Variants in PCDHA7 observed in about 807,000 individuals in gnomAD.
PCDHA7 encodes protocadherin alpha-7.
Under a neutral mutation model 57.2 loss-of-function variants are expected in PCDHA7, and 37 were observed. The ratio of observed to expected loss-of-function variants is 0.65; its 90% CI spans 0.50 to 0.85. The LOEUF (loss-of-function observed/expected upper bound fraction) is 0.85, where lower values mean the gene tolerates loss of function less well. Among genes scored for constraint, PCDHA7 ranks in the 40% least tolerant of loss-of-function variants. The pLI, the probability that PCDHA7 is intolerant of heterozygous loss-of-function variation, is 0.00. For synonymous variants in PCDHA7, 553 were observed against 558.8 expected (o/e 0.99, Z 0.15); for missense variants, 1,188 against 1,241.8 (o/e 0.96, Z 0.65).
At chr5:140,930,209 T>C (rs752393887) in intron 1 of PCDHA7, 4 of 152,266 alleles carry the variant, frequency 2.6e-5, no homozygotes, top group Non-Finnish European at 5.9e-5. Flanking sequence ...GAAATATTTA[T>C]GTGTTCAAAG....
At chr5:140,986,181 G>A (rs531382269) in intron 3 of PCDHA7, among the ~76,000 whole-genome samples, 1 of 152,152 alleles carries the variant, frequency 6.6e-6, no homozygotes, top group Admixed American at 6.6e-5. Flanking sequence ...AACAAGTCAG[G>A]CATTAAATTG....
rs1774576501 is a variant in PCDHA7 at position 140,836,566 on chromosome 5, C to A, written c.2183C>A (p.Ser728Tyr). The change falls in exon 1 of 4, where the codon TCT (serine) becomes TAT (tyrosine). Residue 728 changes from serine to tyrosine, a missense_variant. Ser to Tyr is a moderately radical substitution (Grantham distance 144). Transcript: ENST00000525929. ...YTALRCSAPS[S>Y]EGACSLVKPT... ...GCGTTGCGGTGCTCAGCGCCGTCCT[C>A]TGAGGGCGCATGTAGTTTGGTAAAG... is the stretch of plus-strand genomic sequence containing the variant. 6.2e-7 allele frequency: 1 copy of A among 1,613,742 alleles called. No homozygotes were observed.
intron 2 of PCDHA7, among the ~76,000 whole-genome samples, chr5:140,981,854 C>T (rs2096954295): frequency 6.6e-6 from 1 of 152,132 alleles, no homozygotes; most frequent in South Asian, 2.1e-4. Flanking sequence ...GTATCTCACT[C>T]CCAGCAATGT....
intron 1 of PCDHA7, chr5:140,847,603 G>A (rs2150402221): frequency 1.3e-5 from 2 of 149,376 alleles, no homozygotes; most frequent in Non-Finnish European, 3.0e-5. Context: ...AAAACATATT[G>A]TAATAACATT....
At chr5:140,955,163 TTTGG>T (rs1445630947) in intron 1 of PCDHA7, among the ~76,000 whole-genome samples, 2 of 152,184 alleles carry the variant, frequency 1.3e-5, no homozygotes, top group Admixed American at 6.5e-5. Flanking sequence ...ACCGTGCTGT[TTTGG>T]TTACTGTAGT....
intron 1 of PCDHA7, among the ~76,000 whole-genome samples, chr5:140,886,331 G>A (rs910332577): frequency 6.6e-6 from 1 of 151,936 alleles, no homozygotes; most frequent in Admixed American, 6.6e-5. Flanking sequence ...TGGGATACAT[G>A]TGCAGAACGT....
chr5:141,004,708 A>G (rs955852492), intron 3 of PCDHA7, among the ~76,000 whole-genome samples: 2 of 152,340 alleles, frequency 1.3e-5, no homozygotes, highest in South Asian at 4.1e-4. Flanking sequence ...TAGGTGCCGA[A>G]TCAGAGGTTT....
intron 3 of PCDHA7, among the ~76,000 whole-genome samples, chr5:140,985,957 T>A (rs2097180705): frequency 6.6e-6 from 1 of 152,084 alleles, no homozygotes. Context: ...GCCAGGATGG[T>A]CTCAATCTCC....
intron 1 of PCDHA7, chr5:140,968,903 A>G: frequency 6.2e-7 from 1 of 1,614,216 alleles, no homozygotes; most frequent in Non-Finnish European, 8.5e-7. Context: ...AATAGCATTA[A>G]GCACAGTGTC....
In PCDHA7 at chr5:140,902,185, T is replaced by TTC. The variant is rs370111655; in HGVS notation, c.2355+65461_2355+65462dup. On this transcript the variant is annotated intron_variant, in intron 1 of 3. Transcript: ENST00000525929. ...TTCTAATTTGGATGTCCTTTATGTC[T>TTC]TCTCTCTCTCTCTCTTTCTTTTTTT... Among the ~76,000 whole-genome samples the TTC allele has an allele frequency of 1.5e-3, 225 of 150,894 alleles. 1 individual carries two copies. The highest frequency in any genetic ancestry group is 2.6e-3 in the Admixed American group (40 of 15,130).
chr5:140,922,560 G>A (rs2080886484), intron 1 of PCDHA7, among the ~76,000 whole-genome samples: 4 of 152,146 alleles, frequency 2.6e-5, no homozygotes, highest in Admixed American at 2.6e-4. Flanking sequence ...GAAAAGTCAG[G>A]ATGACAAGTT....
chr5:140,883,142 G>A (rs150205860), intron 1 of PCDHA7: 1 of 1,614,004 alleles, frequency 6.2e-7, no homozygotes, highest in South Asian at 1.1e-5. Flanking sequence ...AGTGGTATAT[G>A]CATTTACCAT....
At chr5:140,856,295 T>C (rs782325790) in intron 1 of PCDHA7, 3 of 1,598,412 alleles carry the variant, frequency 1.9e-6, no homozygotes, top group Admixed American at 1.7e-5. Context: ...GAATGGCATT[T>C]TGTTTGTGAA....
intron 1 of PCDHA7, chr5:140,875,435 A>G (rs1562696598): frequency 6.4e-7 from 1 of 1,563,788 alleles, no homozygotes; most frequent in East Asian, 2.3e-5. Context: ...GATCCCTTAA[A>G]ACTGATTGTC....
chr5:140,889,983 T>C (rs1347862441), intron 1 of PCDHA7, among the ~76,000 whole-genome samples: 1 of 152,208 alleles, frequency 6.6e-6, no homozygotes, highest in Non-Finnish European at 1.5e-5. Flanking sequence ...TCTCCAGTTG[T>C]CTTAGCTTTC....
chr5:140,843,317 C>G (rs2150357275), intron 1 of PCDHA7: 11 of 1,595,910 alleles, frequency 6.9e-6, no homozygotes, highest in African/African-American at 1.3e-5. Context: ...GGCCACGGTT[C>G]TGGTGTCGCT....
chr5:140,862,968 G>A (rs1554157319), intron 1 of PCDHA7: 1 of 544,810 alleles, frequency 1.8e-6, no homozygotes, highest in Non-Finnish European at 3.6e-6. Flanking sequence ...GTGGATGCAG[G>A]CCACTTGGTG....
intron 1 of PCDHA7, among the ~76,000 whole-genome samples, chr5:140,924,936 TAAAAA>T (rs2082205335): frequency 8.1e-6 from 1 of 123,442 alleles, no homozygotes; most frequent in East Asian, 2.8e-4. Context: ...TAAAATAAAA[TAAAAA>T]GTTAAAAAAA....
intron 1 of PCDHA7, among the ~76,000 whole-genome samples, chr5:140,964,454 T>G (rs1392277569): frequency 6.6e-6 from 1 of 152,132 alleles, no homozygotes. Flanking sequence ...CTGTAATCTC[T>G]TCCTTAAGTG....
Sources: allele counts gnomAD v4.1 joint callset (sites outside exome capture counted in the v4.1 genomes callset), GRCh38; gene constraint gnomAD v4.1.1; transcripts MANE v1.5; gene names NCBI Gene and HGNC (gene_info 2026-07-23, HGNC 2026-07-21).